PCLO: variants seen among roughly 807,000 people sequenced by gnomAD.
PCLO encodes the protein piccolo presynaptic cytomatrix protein.
Under a neutral mutation model 427.5 loss-of-function variants are expected in PCLO, and 82 were observed. The ratio of observed to expected loss-of-function variants is 0.19; its 90% confidence interval spans 0.16 to 0.23. PCLO has a LOEUF of 0.23. Among genes scored for constraint, PCLO ranks in the 10% least tolerant of loss-of-function variants. PCLO has a pLI of 1.00. For synonymous variants in PCLO, 2,357 were observed against 2,155.4 expected (o/e 1.09, Z -2.59); for missense variants, 6,239 against 6,115.9 (o/e 1.02, Z -0.67).
intron 3 of PCLO, among the ~76,000 whole-genome samples, chr7:83,098,848 A>G (rs1247870247): frequency 6.6e-6 from 1 of 152,154 alleles, no homozygotes; most frequent in Non-Finnish European, 1.5e-5. Context: ...GAGTTAGTGT[A>G]GAAAAAAAGC....
chr7:82,844,648 T>C (rs1208982413), intron 13 of PCLO, among the ~76,000 whole-genome samples: 1 of 152,158 alleles, frequency 6.6e-6, no homozygotes, highest in African/African-American at 2.4e-5. Flanking sequence ...ATCAAATCTA[T>C]GAGGGAAATC....
At chr7:83,003,770 T>A (rs377699213) in intron 3 of PCLO, among the ~76,000 whole-genome samples, 2 of 151,838 alleles carry the variant, frequency 1.3e-5, no homozygotes, top group South Asian at 2.1e-4. Context: ...GATTTTTGCA[T>A]CTATGTTCAC....
At chr7:82,940,836 C>T (rs766440468) in intron 6 of PCLO, among the ~76,000 whole-genome samples, 4 of 137,946 alleles carry the variant, frequency 2.9e-5, no homozygotes, top group South Asian at 4.7e-4. Context: ...GATCTCGGCT[C>T]ACTGCAAGCT....
intron 7 of PCLO, 94 bp from the exon 8 acceptor site, chr7:82,909,107 C>A: frequency 8.3e-7 from 1 of 1,211,128 alleles, no homozygotes; most frequent in South Asian, 1.4e-5. Flanking sequence ...ATGCACTAGG[C>A]TTGTTAACCA....
In PCLO at chr7:82,890,603, G is replaced by C. The variant is rs551622301; in HGVS notation, c.13529-11141C>G. Among the ~76,000 whole-genome samples, 30 of 152,002 alleles carry C rather than the reference G, an allele frequency of 2.0e-4. No homozygotes were observed. In the South Asian group the frequency reaches 5.2e-3, roughly 26 times the overall value. On this transcript the variant is annotated intron_variant, in intron 9 of 24. Transcript: ENST00000333891. ...AGAAGGTGGACAAATTGTGTTTATA[G>C]TATTTGTAATTATTAAGGTAGAAGA...
At chr7:82,944,491 T>C (rs551306517) in intron 6 of PCLO, among the ~76,000 whole-genome samples, 1 of 152,172 alleles carries the variant, frequency 6.6e-6, no homozygotes, top group Admixed American at 6.5e-5. Flanking sequence ...GTATCTTAGA[T>C]GATGATAGGC....
chr7:82,840,157 T>C (rs968669655), intron 14 of PCLO, among the ~76,000 whole-genome samples: 28 of 152,182 alleles, frequency 1.8e-4, no homozygotes, highest in African/African-American at 5.3e-4. Context: ...AGCATTTTCT[T>C]TGCTGTTTGT....
Position 82,950,801 on chromosome 7 carries a change from T to C in PCLO, c.9787A>G (p.Met3263Val). Residue 3263 changes from methionine (M) to valine (V), a missense_variant, in exon 6 of 25, where the codon ATG (methionine) becomes GTG (valine). By Grantham distance (21) the Met-to-Val change is conservative. Around this residue, in one of 5 missense-constraint regions of PCLO, gnomAD observed 4,677 missense variants for 4,468.4 expected, o/e 1.05. Transcript: ENST00000333891. ...VQKKLEELQS[M>V]KQHLLFQQEE... ...TGCTGAAAGAGAAGGTGTTGCTTCATAGACTGCAGCTCCTCCAACTTTTTC... is the reference window on the plus strand; with the variant it reads ...TGCTGAAAGAGAAGGTGTTGCTTCACAGACTGCAGCTCCTCCAACTTTTTC... 4 of 1,613,768 alleles carry C rather than the reference T, an allele frequency of 2.5e-6. No homozygotes were observed. The highest frequency in any genetic ancestry group is 3.4e-6 in the Non-Finnish European group (4 of 1,179,856).
At chr7:82,833,666 T>C (rs1031253279) in intron 16 of PCLO, among the ~76,000 whole-genome samples, 11 of 152,146 alleles carry the variant, frequency 7.2e-5, no homozygotes, top group African/African-American at 2.7e-4. Flanking sequence ...TAATTTAGTA[T>C]AATTCAGAAG....
At chr7:82,989,672 C>T (rs1231137965) in intron 3 of PCLO, among the ~76,000 whole-genome samples, 2 of 151,978 alleles carry the variant, frequency 1.3e-5, no homozygotes, top group Non-Finnish European at 2.9e-5. Context: ...TTAGGTAAAA[C>T]ATTTATAAAG....
At position 82,991,214 on chromosome 7, in the gene PCLO, GTCTA is replaced by G. The variant is rs552179901; in HGVS notation, c.3301-24731_3301-24728del. Among the ~76,000 whole-genome samples the G allele has an allele frequency of 1.9e-3, 282 of 151,976 alleles. 1 individual carries two copies. The highest frequency in any genetic ancestry group is 5.1e-3 in the African/African-American group (213 of 41,482). On this transcript the variant is annotated intron_variant, in intron 3 of 24. Coordinates refer to ENST00000333891, the MANE Select transcript of PCLO (RefSeq NM_033026.6). Reference sequence around the variant, plus strand: ...ATGTGTCTATTTATAGTATCTATCTGTCTATCTATCTATCTATCTGTGTTGTTAC... The same window carrying G: ...ATGTGTCTATTTATAGTATCTATCTGTCTATCTATCTATCTGTGTTGTTAC...
intron 1 of PCLO, 138 bp downstream of exon 1, chr7:83,162,207 T>C (rs971930551): frequency 8.9e-6 from 9 of 1,010,618 alleles, no homozygotes; most frequent in Non-Finnish European, 1.3e-5. Flanking sequence ...AGGATCTCTC[T>C]ATGGCCACCC....
At chr7:82,821,159 A>G in intron 20 of PCLO, 1 of 1,006,438 alleles carries the variant, frequency 9.9e-7, no homozygotes, top group Non-Finnish European at 1.2e-6. Flanking sequence ...CCTGAGGGCT[A>G]GCTGGCTTTG....
At chr7:82,902,770 A>T (rs1195149634) in intron 8 of PCLO, 29 bp from the exon 9 acceptor site, 1 of 1,201,914 alleles carries the variant, frequency 8.3e-7, no homozygotes, top group Non-Finnish European at 1.2e-6. Context: ...AAGGTAAAAA[A>T]CCAGCATTAA....
At chr7:82,983,730 G>A (rs1796198352) in intron 3 of PCLO, among the ~76,000 whole-genome samples, 1 of 151,534 alleles carries the variant, frequency 6.6e-6, no homozygotes, top group Non-Finnish European at 1.5e-5. Context: ...AATGAAAGAA[G>A]AAAACGGTAT....
chr7:83,090,393 C>T (rs1259360146), intron 3 of PCLO, among the ~76,000 whole-genome samples: 1 of 152,142 alleles, frequency 6.6e-6, no homozygotes, highest in African/African-American at 2.4e-5. Context: ...TTTAAGTCCT[C>T]TCAAATAATT....
intron 3 of PCLO, among the ~76,000 whole-genome samples, chr7:83,050,227 A>AAAAAAAAAAAAAAAAC (rs71074611): frequency 9.3e-5 from 8 of 85,648 alleles, no homozygotes; most frequent in Admixed American, 2.5e-4. Context: ...AAAAAAAAAA[A>AAAAAAAAAAAAAAAAC]AAAAAAAAAA....
At position 82,953,817 on chromosome 7, in the gene PCLO, C is replaced by T. The variant is rs1795431991; in HGVS notation, c.7136G>A (p.Gly2379Asp). 1 of 1,609,352 alleles carries T rather than the reference C, an allele frequency of 6.2e-7. No individual in the cohort carries two copies. Among genetic ancestry groups the T allele is most frequent in the African/African-American group, 1.3e-5 (1 of 74,712 alleles). The change falls in exon 5 of 25, where the codon GGC becomes GAC. Residue 2379 changes from glycine (G) to aspartate (D), a missense_variant. Around this residue, in one of 5 missense-constraint regions of PCLO, gnomAD observed 4,677 missense variants for 4,468.4 expected, o/e 1.05. Coordinates refer to ENST00000333891, the MANE Select transcript of PCLO (RefSeq NM_033026.6). ...QEKPASQLPS[G>D]SPSVSSLPAK... ...TGGAAGAGAGGAAACAGAAGGACTGCCAGATGGTAACTGAGATGCAGGTTT... is the reference window on the plus strand; with the variant it reads ...TGGAAGAGAGGAAACAGAAGGACTGTCAGATGGTAACTGAGATGCAGGTTT...
intron 22 of PCLO, among the ~76,000 whole-genome samples, chr7:82,769,701 C>T (rs547618400): frequency 3.3e-5 from 5 of 152,236 alleles, no homozygotes; most frequent in Admixed American, 2.0e-4. Context: ...ACAAAATTCT[C>T]GTCCCATTAC....
Sources: allele counts gnomAD v4.1 joint callset (sites outside exome capture counted in the v4.1 genomes callset), GRCh38; gene constraint gnomAD v4.1.1; regional missense constraint gnomAD v4.1.1; transcripts MANE v1.5; gene names NCBI Gene and HGNC (gene_info 2026-07-23, HGNC 2026-07-21).